RAB11FIP4: variants seen among roughly 807,000 people sequenced by gnomAD.
RAB11FIP4 encodes the protein rab11 family-interacting protein 4.
A neutral mutation model predicts 74.3 loss-of-function variants in RAB11FIP4; 23 were observed. The ratio of observed to expected loss-of-function variants is 0.31; its 90% CI spans 0.22 to 0.44. RAB11FIP4 has a LOEUF of 0.44. RAB11FIP4 is among the 20% of genes least tolerant of loss of function. The probability of loss-of-function intolerance (pLI) is 1.00; values close to 1 mark genes in which losing one functional copy is unlikely to be tolerated. For synonymous variants in RAB11FIP4, 360 were observed against 359.9 expected (o/e 1.00, Z 0.00); for missense variants, 630 against 863.9 (o/e 0.73, Z 3.39).
chr17:31,459,691 C>G (rs1325800363), intron 3 of RAB11FIP4, among the ~76,000 whole-genome samples: 2 of 152,172 alleles, frequency 1.3e-5, no homozygotes, highest in Non-Finnish European at 2.9e-5. Flanking sequence ...CTGTTTCTTG[C>G]AGCACTGTCA....
rs536258662 is a variant in RAB11FIP4 at position 31,511,014 on chromosome 17, TTGTTTTTG to T, written c.337-6627_337-6620del. 2.1e-3 allele frequency among the ~76,000 whole-genome samples: 326 copies of T among 152,172 alleles called. 2 individuals carry two copies. The highest frequency in any genetic ancestry group is 7.6e-3 in the African/African-American group (314 of 41,518). On this transcript the variant is annotated intron_variant, in intron 3 of 14. Transcript: ENST00000621161. ...TCCAAGGGTTTTTTTGTTTTTGTTG[TTGTTTTTG>T]TGTTTTTGTTTTGTTTTGTTTTGTT...
At chr17:31,414,321 C>CCCTGGGAGCTT (rs1373834556) in intron 1 of RAB11FIP4, among the ~76,000 whole-genome samples, 7 of 152,244 alleles carry the variant, frequency 4.6e-5, no homozygotes, top group Non-Finnish European at 8.8e-5. Context: ...TCTGTTCCTT[C>CCCTGGGAGCTT]CCTGGGAGCT....
chr17:31,467,742 G>C (rs776361682), intron 3 of RAB11FIP4, among the ~76,000 whole-genome samples: 1 of 152,140 alleles, frequency 6.6e-6, no homozygotes, highest in Non-Finnish European at 1.5e-5. Context: ...GCCACCCACC[G>C]CTCTCCATCT....
intron 3 of RAB11FIP4, among the ~76,000 whole-genome samples, chr17:31,479,369 C>G (rs926862349): frequency 1.3e-5 from 2 of 152,212 alleles, no homozygotes; most frequent in Admixed American, 1.3e-4. Flanking sequence ...AAGGCTTCCG[C>G]TAATTCAAAA....
intron 3 of RAB11FIP4, among the ~76,000 whole-genome samples, chr17:31,475,271 G>A (rs1426778162): frequency 1.3e-5 from 2 of 152,144 alleles, no homozygotes; most frequent in Non-Finnish European, 2.9e-5. Context: ...TGCTGGAGAT[G>A]AGAAGACAAG....
chr17:31,476,172 C>CTT lies in RAB11FIP4; in HGVS notation c.337-41450_337-41449dup, dbSNP rs71369069. 6.1e-3 allele frequency among the ~76,000 whole-genome samples: 389 copies of CTT among 63,556 alleles called. 51 individuals carry two copies. The highest frequency in any genetic ancestry group is 0.014 in the African/African-American group (232 of 16,846). 41.7% of individuals were successfully genotyped at this position (63,556 alleles called of 152,430 possible). ...CTGCAAATAATGAGAATCGACTGAA[C>CTT]TTTTTTTTTTTTTTTTTTTTTTTTT... On this transcript the variant is annotated intron_variant, in intron 3 of 14. Coordinates refer to ENST00000621161, the MANE Select transcript of RAB11FIP4 (RefSeq NM_032932.6).
chr17:31,488,296 C>T, intron 3 of RAB11FIP4: 1 of 1,173,722 alleles, frequency 8.5e-7, no homozygotes, highest in East Asian at 3.8e-5. Flanking sequence ...CCGGGGCTGG[C>T]GCTCGCAGGG....
rs2072978407 is a variant in RAB11FIP4 at position 31,537,131 on chromosome 17, C to T, written c.*5399C>T. 2 of 399,474 alleles carry T rather than the reference C, an allele frequency of 5.0e-6. No individual in the cohort carries two copies. Among genetic ancestry groups the T allele is most frequent in the African/African-American group, 2.1e-5 (1 of 48,628 alleles). The allele number at this position is 399,474 out of a possible 1,614,324, so 24.7% of individuals were successfully genotyped here. On this transcript the variant is annotated 3_prime_UTR_variant, in exon 15 of 15. Coordinates refer to ENST00000621161, the MANE Select transcript of RAB11FIP4 (RefSeq NM_032932.6). The stretch of plus-strand genomic sequence containing the variant: ...ATCTGCATGGTTTGGGGTCTTTGTC[C>T]TTGTGCCTTTTCTTCCCCATCGCCA...
chr17:31,402,592 A>ATTTTTT (rs1272309222), intron 1 of RAB11FIP4, among the ~76,000 whole-genome samples: 1 of 128,404 alleles, frequency 7.8e-6, no homozygotes, highest in African/African-American at 3.1e-5. Context: ...AGATTATTTT[A>ATTTTTT]TTTATTTTTA....
intron 3 of RAB11FIP4, chr17:31,488,119 G>A (rs2142746906): frequency 5.8e-6 from 6 of 1,028,372 alleles, no homozygotes; most frequent in Non-Finnish European, 7.0e-6. Context: ...CTGGTGCCCA[G>A]AAGTGCGAGC....
Position 31,505,492 on chromosome 17 carries a change from ATAAT to A in RAB11FIP4, c.337-12156_337-12153del, listed in dbSNP as rs1318678533. ...TAATAATAATTATAATATATAATAT[ATAAT>A]TATTATATTATATATAATAATTATA... On this transcript the variant is annotated intron_variant, in intron 3 of 14. Coordinates refer to ENST00000621161, the MANE Select transcript of RAB11FIP4 (RefSeq NM_032932.6). Among the ~76,000 whole-genome samples the A allele has an allele frequency of 7.6e-5, 5 of 65,536 alleles. 1 individual carries two copies. Among genetic ancestry groups the A allele is most frequent in the Admixed American group, 4.9e-4 (2 of 4,118 alleles). 43.0% of individuals were successfully genotyped at this position (65,536 alleles called of 152,430 possible).
At chr17:31,471,643 C>T (rs1229898302) in intron 3 of RAB11FIP4, among the ~76,000 whole-genome samples, 1 of 152,116 alleles carries the variant, frequency 6.6e-6, no homozygotes, top group Non-Finnish European at 1.5e-5. Context: ...GCCGTGTGCC[C>T]AGCTGTGAGC....
chr17:31,496,537 C>T (rs748370465), intron 3 of RAB11FIP4, among the ~76,000 whole-genome samples: 3 of 152,226 alleles, frequency 2.0e-5, no homozygotes, highest in African/African-American at 4.8e-5. Context: ...CTTCTTCCCT[C>T]GTCCTTCTCC....
At chr17:31,398,584 T>C (rs993855073) in intron 1 of RAB11FIP4, among the ~76,000 whole-genome samples, 7 of 152,082 alleles carry the variant, frequency 4.6e-5, no homozygotes, top group Non-Finnish European at 1.0e-4. Context: ...GGGATATCAG[T>C]GGGTAGAGAA....
intron 1 of RAB11FIP4, among the ~76,000 whole-genome samples, chr17:31,416,995 GCCCCATCTCTTGATGACGCCCCCT>G (rs1033020751): frequency 2.0e-5 from 3 of 151,580 alleles, no homozygotes; most frequent in Admixed American, 2.0e-4. Flanking sequence ...TCTCTCTTTG[GCCCCATCTCTTGATGACGCCCCCT>G]CCCCATATTC....
rs571000098 is a variant in RAB11FIP4 at position 31,426,814 on chromosome 17, A to G, written c.160-4999A>G. Among the ~76,000 whole-genome samples, 406 of 151,856 alleles carry G rather than the reference A, an allele frequency of 2.7e-3. 3 individuals carry two copies. Among genetic ancestry groups the G allele is most frequent in the African/African-American group, 8.8e-3 (363 of 41,390 alleles). On this transcript the variant is annotated intron_variant, in intron 1 of 14. Transcript: ENST00000621161. ...ACGGGGTTTCACCATGTTGGCCAGG[A>G]TGGTCTCAATCTCTTGACCTAGTGA...
chr17:31,445,509 T>C (rs1382957631), intron 3 of RAB11FIP4, among the ~76,000 whole-genome samples: 2 of 140,980 alleles, frequency 1.4e-5, no homozygotes, highest in African/African-American at 5.2e-5. Flanking sequence ...TATTGTAAAA[T>C]CTACATTCAA....
chr17:31,431,861 A>C lies in RAB11FIP4; in HGVS notation c.208A>C (p.Asn70His). ...GGATCCCAACGACCTGGGGAGAATC[A>C]ACTTCAAGGACTTTTGCCGGGGGGT... ...YLDPNDLGRI[N>H]FKDFCRGVFA... The change falls in exon 2 of 15, where the codon AAC becomes CAC. Residue 70 changes from asparagine (N) to histidine (H), a missense_variant. Asn to His is a moderately conservative substitution (Grantham distance 68). Coordinates refer to ENST00000621161, the MANE Select transcript of RAB11FIP4 (RefSeq NM_032932.6). The C allele has an allele frequency of 6.2e-7, 1 of 1,613,066 alleles. No individual in the cohort carries two copies. Among genetic ancestry groups the C allele is most frequent in the Non-Finnish European group, 8.5e-7 (1 of 1,179,534 alleles).
intron 3 of RAB11FIP4, among the ~76,000 whole-genome samples, chr17:31,498,368 A>C (rs1369918766): frequency 6.6e-6 from 1 of 152,220 alleles, no homozygotes; most frequent in Non-Finnish European, 1.5e-5. Flanking sequence ...GCCACAGGAC[A>C]AAGAGAGACA....
Sources: gnomAD v4.1 joint callset for allele counts (sites outside exome capture counted in the v4.1 genomes callset) on GRCh38, gnomAD v4.1.1 for gene constraint, MANE v1.5 for transcripts, NCBI Gene and HGNC (gene_info 2026-07-23, HGNC 2026-07-21) for gene names.